The following PLEKHM3 variants were observed in gnomAD, a reference collection of about 807,000 sequenced individuals.
The protein encoded by PLEKHM3 is pleckstrin homology domain containing M3.
In PLEKHM3, 45 loss-of-function variants were observed where a neutral mutation model predicts 81.8. The ratio of observed to expected loss-of-function variants is 0.55; its 90% CI spans 0.43 to 0.71. PLEKHM3 has a LOEUF of 0.71. PLEKHM3 is among the 30% of genes least tolerant of loss of function. The pLI, the probability that PLEKHM3 is intolerant of heterozygous loss-of-function variation, is 0.00. For missense variants in PLEKHM3, 788 were observed against 924.3 expected, an observed-to-expected ratio of 0.85 and a Z score of 1.91; for synonymous variants, 352 against 356.4, an observed-to-expected ratio of 0.99 and a Z score of 0.14.
At chr2:208,022,485 T>A (rs550979338) in intron 1 of PLEKHM3, among the ~76,000 whole-genome samples, 2 of 152,308 alleles carry the variant, frequency 1.3e-5, no homozygotes, top group South Asian at 4.1e-4. Flanking sequence ...AATCCAGTTA[T>A]AAGCTTATTG....
Position 208,001,204 on chromosome 2 carries a change from C to T in PLEKHM3, c.436G>A (p.Gly146Arg), listed in dbSNP as rs1423014538. 1 of 1,614,112 alleles carries T rather than the reference C, an allele frequency of 6.2e-7. No individual in the cohort carries two copies. Among genetic ancestry groups the T allele is most frequent in the South Asian group, 1.1e-5 (1 of 91,074 alleles). Reference sequence around the variant, plus strand: ...ATATCTGATCGTGATCGAGCATGCCCTGGCTTGAAAGTTGAGGTCTCATCC... The same window carrying T: ...ATATCTGATCGTGATCGAGCATGCCTTGGCTTGAAAGTTGAGGTCTCATCC... ...LLDETSTFKP[G>R]HARSRSDITQ... is the part of the protein sequence containing the mutation. The change falls in exon 2 of 8, where the codon GGG becomes AGG. Residue 146 changes from glycine (G) to arginine (R), a missense_variant. Coordinates refer to ENST00000427836, the MANE Select transcript of PLEKHM3 (RefSeq NM_001080475.3).
At chr2:208,021,246 A>C (rs1285873953) in intron 1 of PLEKHM3, among the ~76,000 whole-genome samples, 1 of 152,222 alleles carries the variant, frequency 6.6e-6, no homozygotes, top group Non-Finnish European at 1.5e-5. Context: ...TATTCTTCAC[A>C]GTTGTTTTCC....
intron 4 of PLEKHM3, among the ~76,000 whole-genome samples, chr2:207,932,761 T>C (rs1689635280): frequency 6.6e-6 from 1 of 152,158 alleles, no homozygotes; most frequent in Non-Finnish European, 1.5e-5. Context: ...AGGTGGCACT[T>C]GGATCTGGGT....
chr2:207,911,796 C>T (rs1421729469), intron 5 of PLEKHM3, among the ~76,000 whole-genome samples: 1 of 152,166 alleles, frequency 6.6e-6, no homozygotes. Flanking sequence ...GCCTCTTCTG[C>T]TGGTTTGTAG....
intron 5 of PLEKHM3, among the ~76,000 whole-genome samples, chr2:207,912,169 C>T (rs951549568): frequency 8.5e-5 from 13 of 152,312 alleles, no homozygotes; most frequent in Admixed American, 3.3e-4. Flanking sequence ...CAGGGTCCTT[C>T]TTGCTTCCAA....
chr2:208,024,510 CTAGA>C (rs1162470687), intron 1 of PLEKHM3, among the ~76,000 whole-genome samples: 1 of 152,144 alleles, frequency 6.6e-6, no homozygotes, highest in Non-Finnish European at 1.5e-5. Context: ...TTTTTAGAGA[CTAGA>C]TATATAGCCC....
intron 5 of PLEKHM3, among the ~76,000 whole-genome samples, chr2:207,925,287 G>A (rs556922626): frequency 1.3e-5 from 2 of 151,994 alleles, no homozygotes; most frequent in Non-Finnish European, 2.9e-5. Context: ...GCCAGAGTCC[G>A]CATCTCATAA....
intron 5 of PLEKHM3, among the ~76,000 whole-genome samples, chr2:207,910,919 AAGG>A (rs1445369347): frequency 6.6e-6 from 1 of 152,178 alleles, no homozygotes; most frequent in Admixed American, 6.5e-5. Flanking sequence ...ATAAGTGAAA[AAGG>A]AGAAGGGACT....
chr2:207,924,034 T>A (rs1689300641), intron 5 of PLEKHM3, among the ~76,000 whole-genome samples: 1 of 148,658 alleles, frequency 6.7e-6, no homozygotes, highest in African/African-American at 2.5e-5. Context: ...GCCTTCCGAG[T>A]AGCTAGGACT....
At chr2:207,904,594 C>G (rs2105895244) in intron 6 of PLEKHM3, among the ~76,000 whole-genome samples, 1 of 152,312 alleles carries the variant, frequency 6.6e-6, no homozygotes, top group South Asian at 2.1e-4. Flanking sequence ...ATAACTGGTA[C>G]TCAGTGAACA....
rs368301204 is a variant in PLEKHM3 at position 207,937,035 on chromosome 2, C to T, written c.1693-5916G>A. On this transcript the variant is annotated intron_variant, in intron 4 of 7. Transcript: ENST00000427836. ...CATAAAATATCTCTGGAAGGATACA[C>T]GAGAAAGGAGTGTTTTGGTTGCCTC... Among the ~76,000 whole-genome samples the T allele has an allele frequency of 3.3e-5, 5 of 151,934 alleles. No homozygotes were observed. In the East Asian group the frequency reaches 9.6e-4, roughly 29 times the overall value.
At chr2:207,875,681 A>G (rs1011134245) in intron 6 of PLEKHM3, among the ~76,000 whole-genome samples, 3 of 152,196 alleles carry the variant, frequency 2.0e-5, no homozygotes, top group Admixed American at 6.5e-5. Context: ...ACTTAGGTTT[A>G]GCTGGGCGTG....
chr2:207,867,085 C>T (rs548528082), intron 6 of PLEKHM3, among the ~76,000 whole-genome samples: 1 of 152,322 alleles, frequency 6.6e-6, no homozygotes, highest in East Asian at 1.9e-4. Flanking sequence ...CTTCCAGGCA[C>T]CCAAGTTCTT....
chr2:207,923,226 A>G (rs1689245072), intron 5 of PLEKHM3, among the ~76,000 whole-genome samples: 3 of 152,180 alleles, frequency 2.0e-5, no homozygotes, highest in South Asian at 4.1e-4. Flanking sequence ...ACCATTTTAC[A>G]GTAGTACATA....
At chr2:207,967,525 T>C (rs1463221863) in intron 3 of PLEKHM3, among the ~76,000 whole-genome samples, 1 of 152,254 alleles carries the variant, frequency 6.6e-6, no homozygotes, top group African/African-American at 2.4e-5. Context: ...ATTCCGCATA[T>C]TAGCTCTCCA....
chr2:207,923,618 A>G (rs1689261700), intron 5 of PLEKHM3, among the ~76,000 whole-genome samples: 1 of 151,990 alleles, frequency 6.6e-6, no homozygotes, highest in Non-Finnish European at 1.5e-5. Context: ...ACACACACAC[A>G]CGCTCATAAA....
intron 6 of PLEKHM3, among the ~76,000 whole-genome samples, chr2:207,867,131 C>T (rs2092505969): frequency 2.0e-5 from 3 of 152,194 alleles, no homozygotes; most frequent in Admixed American, 2.0e-4. Flanking sequence ...GTCTTTACCC[C>T]TGGCTGTCAG....
At chr2:207,952,541 T>G (rs1690363930) in intron 3 of PLEKHM3, among the ~76,000 whole-genome samples, 1 of 152,224 alleles carries the variant, frequency 6.6e-6, no homozygotes, top group Admixed American at 6.5e-5. Flanking sequence ...GTAGTGAAAT[T>G]TTGAACCTGT....
At chr2:207,979,115 C>T (rs758513637) in intron 2 of PLEKHM3, among the ~76,000 whole-genome samples, 2 of 152,170 alleles carry the variant, frequency 1.3e-5, no homozygotes, top group African/African-American at 2.4e-5. Flanking sequence ...CTTCTTTTCT[C>T]CCTTCCCCTC....
Sources: allele counts gnomAD v4.1 joint callset (sites outside exome capture counted in the v4.1 genomes callset), GRCh38; gene constraint gnomAD v4.1.1; transcripts MANE v1.5; gene names NCBI Gene and HGNC (gene_info 2026-07-23, HGNC 2026-07-21).